MRPS23: variants seen among roughly 807,000 people sequenced by gnomAD.
MRPS23 encodes mitochondrial ribosomal protein S23.
A neutral mutation model predicts 19.8 loss-of-function variants in MRPS23; 14 were observed. That is an observed-to-expected ratio of 0.71 (90% confidence interval 0.47 to 1.11). The LOEUF is 1.11. Among genes scored for constraint, MRPS23 ranks in the 50% least tolerant of loss-of-function variants. MRPS23 has a pLI of 0.00. For synonymous variants in MRPS23, 113 were observed against 89.7 expected (o/e 1.26, Z -1.47); for missense variants, 242 against 236.7 (o/e 1.02, Z -0.15).
At chr17:57,845,225 C>G (rs1368842107) in intron 2 of MRPS23, among the ~76,000 whole-genome samples, 1 of 152,170 alleles carries the variant, frequency 6.6e-6, no homozygotes, top group African/African-American at 2.4e-5. Flanking sequence ...CCACAAAGTG[C>G]ATGCAATGGG....
chr17:57,839,955 G>A lies in MRPS23; in HGVS notation c.421-20C>T. 1 of 1,613,036 alleles carries A rather than the reference G, an allele frequency of 6.2e-7. No individual in the cohort carries two copies. The highest frequency in any genetic ancestry group is 8.5e-7 in the Non-Finnish European group (1 of 1,179,136). ...GTGTTGCTTAAAAGACCAGATTTAAGTATCACAGAGATGTTATCATTTTCA... is the reference window on the plus strand; with the variant it reads ...GTGTTGCTTAAAAGACCAGATTTAAATATCACAGAGATGTTATCATTTTCA... On this transcript the variant is annotated intron_variant, in intron 4 of 4. Transcript: ENST00000313608.
rs1221087353 is a variant in MRPS23, at chr17:57,837,485, CAT to C, written c.*2296_*2297del. 4 of 152,148 alleles carry C rather than the reference CAT, an allele frequency of 2.6e-5. No individual in the cohort carries two copies. Among genetic ancestry groups the C allele is most frequent in the Admixed American group, 1.3e-4 (2 of 15,262 alleles). 9.4% of individuals were successfully genotyped at this position (152,148 alleles called of 1,614,324 possible). On this transcript the variant is annotated 3_prime_UTR_variant, in exon 5 of 5. Transcript: ENST00000313608. ...GAAAAGCAAGGTACAGAACAGTATG[CAT>C]AGTGTCCTGTCCATGCCCAAAATAT... is the stretch of plus-strand genomic sequence containing the variant.
chr17:57,843,771 C>T (rs2073755114), intron 2 of MRPS23, among the ~76,000 whole-genome samples: 1 of 152,196 alleles, frequency 6.6e-6, no homozygotes, highest in African/African-American at 2.4e-5. Context: ...TGTTTATAAG[C>T]CACCTGGTCT....
intron 2 of MRPS23, among the ~76,000 whole-genome samples, chr17:57,847,152 G>A (rs1036054322): frequency 6.6e-6 from 1 of 151,092 alleles, no homozygotes; most frequent in Non-Finnish European, 1.5e-5. Flanking sequence ...AATTAGCCAG[G>A]CATGGTGGCG....
intron 2 of MRPS23, 111 bp downstream of exon 2, chr17:57,849,129 C>T: frequency 7.1e-7 from 1 of 1,418,356 alleles, no homozygotes; most frequent in African/African-American, 1.4e-5. Flanking sequence ...TAAGCCTTCT[C>T]CACAGGGCAA....
chr17:57,843,463 C>T (rs1390961941), intron 2 of MRPS23, among the ~76,000 whole-genome samples: 2 of 152,172 alleles, frequency 1.3e-5, no homozygotes, highest in Non-Finnish European at 2.9e-5. Context: ...TCTTTGTCCG[C>T]TTTTCTATTT....
At chr17:57,840,520 A>G (rs1015832116) in intron 4 of MRPS23, among the ~76,000 whole-genome samples, 27 of 152,214 alleles carry the variant, frequency 1.8e-4, no homozygotes, top group African/African-American at 6.3e-4. Flanking sequence ...GTTTAAGAAC[A>G]TAAGCCAAGG....
intron 2 of MRPS23, among the ~76,000 whole-genome samples, chr17:57,845,039 A>G (rs953631392): frequency 6.6e-6 from 1 of 152,070 alleles, no homozygotes; most frequent in African/African-American, 2.4e-5. Context: ...CTGGGACTAC[A>G]GGTGCATGCC....
chr17:57,843,535 T>C (rs1168957771), intron 2 of MRPS23, among the ~76,000 whole-genome samples: 1 of 152,174 alleles, frequency 6.6e-6, no homozygotes, highest in Non-Finnish European at 1.5e-5. Context: ...CTAATCCCCA[T>C]TGTGATGGTA....
At chr17:57,842,766 T>C (rs1193836598) in intron 2 of MRPS23, among the ~76,000 whole-genome samples, 3 of 151,436 alleles carry the variant, frequency 2.0e-5, no homozygotes, top group Non-Finnish European at 4.4e-5. Context: ...CTCACGCATA[T>C]AATCCCACCT....
Position 57,850,032 on chromosome 17 carries a change from G to T in MRPS23, c.-22C>A. On this transcript the variant is annotated 5_prime_UTR_variant, in exon 1 of 5. Coordinates refer to ENST00000313608, the MANE Select transcript of MRPS23 (RefSeq NM_016070.4). ...CCATGATCTGCGCCTGGTACCGAGC[G>T]TGACTAGCTGCTACCGGAACCGGAA... 6.3e-7 allele frequency: 1 copy of T among 1,585,922 alleles called. No individual in the cohort carries two copies. The highest frequency in any genetic ancestry group is 8.5e-7 in the Non-Finnish European group (1 of 1,171,096).
chr17:57,842,877 A>AT (rs1441138086), intron 2 of MRPS23, among the ~76,000 whole-genome samples: 60 of 114,354 alleles, frequency 5.2e-4, no homozygotes, highest in African/African-American at 2.0e-3. Context: ...AAAAAAAAAA[A>AT]AAATATATAT....
intron 2 of MRPS23, among the ~76,000 whole-genome samples, chr17:57,844,113 G>T (rs1597952805): frequency 2.7e-5 from 4 of 146,684 alleles, no homozygotes; most frequent in Admixed American, 6.8e-5. Flanking sequence ...TTATTTTGTT[G>T]TAAGTTCCTT....
At chr17:57,840,056 A>C in intron 4 of MRPS23, 121 bp from the exon 5 acceptor site, 8 of 1,144,430 alleles carry the variant, frequency 7.0e-6, no homozygotes, top group Non-Finnish European at 1.0e-5. Context: ...AATATCTTAG[A>C]TCCAATTCTA....
intron 2 of MRPS23, among the ~76,000 whole-genome samples, chr17:57,846,042 A>G (rs2073770555): frequency 6.6e-6 from 1 of 151,928 alleles, no homozygotes; most frequent in African/African-American, 2.4e-5. Context: ...AAGGGGAAAC[A>G]TGAAAACAGA....
chr17:57,838,107 G>A lies in MRPS23; in HGVS notation c.*1676C>T, dbSNP rs1440156075. 1 of 151,678 alleles carries A rather than the reference G, an allele frequency of 6.6e-6. No individual in the cohort carries two copies. 9.4% of individuals were successfully genotyped at this position (151,678 alleles called of 1,614,324 possible). On this transcript the variant is annotated 3_prime_UTR_variant, in exon 5 of 5. Coordinates refer to ENST00000313608, the MANE Select transcript of MRPS23 (RefSeq NM_016070.4). The stretch of plus-strand genomic sequence containing the variant: ...AGTTTGAGATCAGCCTGGGCAACAT[G>A]GTTAAAAGCCCGTTTCTACTAAAAA...
intron 2 of MRPS23, among the ~76,000 whole-genome samples, chr17:57,847,255 T>G (rs1298686369): frequency 6.8e-6 from 1 of 146,824 alleles, no homozygotes; most frequent in African/African-American, 2.5e-5. Flanking sequence ...ATTACACCAC[T>G]GCACTCCAGC....
chr17:57,843,564 G>A (rs549491672), intron 2 of MRPS23, among the ~76,000 whole-genome samples: 1 of 152,264 alleles, frequency 6.6e-6, no homozygotes, highest in South Asian at 2.1e-4. Flanking sequence ...TGGAGGCTTT[G>A]GGAGGTAATC....
intron 2 of MRPS23, among the ~76,000 whole-genome samples, chr17:57,848,521 C>A (rs1401738271): frequency 6.6e-6 from 1 of 151,812 alleles, no homozygotes; most frequent in Non-Finnish European, 1.5e-5. Flanking sequence ...ACTACAAGCA[C>A]CCACCACCAT....
Sources: gnomAD v4.1 joint callset for allele counts (sites outside exome capture counted in the v4.1 genomes callset) on GRCh38, gnomAD v4.1.1 for gene constraint, MANE v1.5 for transcripts, NCBI Gene and HGNC (gene_info 2026-07-23, HGNC 2026-07-21) for gene names.